Variants in TRDN observed in about 807,000 individuals in gnomAD.
TRDN encodes the protein triadin.
In TRDN, 161 loss-of-function variants were observed where a neutral mutation model predicts 149.7. The observed-to-expected ratio is 1.08, with a 90% confidence interval of 0.95 to 1.23. The LOEUF (loss-of-function observed/expected upper bound fraction) is 1.23. Among genes scored for constraint, TRDN ranks in the 50% most tolerant of loss-of-function variants. TRDN has a pLI of 0.00. For missense variants in TRDN, 896 were observed against 823.5 expected, an observed-to-expected ratio of 1.09 and a Z score of -1.08; for synonymous variants, 294 against 250.5, an observed-to-expected ratio of 1.17 and a Z score of -1.64.
intron 8 of TRDN, among the ~76,000 whole-genome samples, chr6:123,499,459 T>C (rs1451586061): frequency 6.6e-6 from 1 of 151,518 alleles, no homozygotes; most frequent in Non-Finnish European, 1.5e-5. Flanking sequence ...ATCCCAGAAC[T>C]TTCGGAGGCT....
chr6:123,423,578 G>A (rs986742631), intron 12 of TRDN, among the ~76,000 whole-genome samples: 2 of 152,012 alleles, frequency 1.3e-5, no homozygotes, highest in Admixed American at 6.6e-5. Flanking sequence ...GTTTATTTGA[G>A]TAATAAACAT....
intron 23 of TRDN, among the ~76,000 whole-genome samples, chr6:123,317,489 T>G (rs558902026): frequency 6.6e-6 from 1 of 151,934 alleles, no homozygotes; most frequent in East Asian, 1.9e-4. Flanking sequence ...ATAAAGAATG[T>G]CATAGACTTT....
chr6:123,598,856 T>C (rs948046236), intron 1 of TRDN, among the ~76,000 whole-genome samples: 3 of 152,066 alleles, frequency 2.0e-5, no homozygotes, highest in Admixed American at 2.0e-4. Flanking sequence ...TATTACATGT[T>C]TTTTAAATTT....
chr6:123,326,190 A>G (rs1188779337), intron 23 of TRDN, among the ~76,000 whole-genome samples: 1 of 152,110 alleles, frequency 6.6e-6, no homozygotes, highest in Non-Finnish European at 1.5e-5. Context: ...CATGCATGGC[A>G]TGCCAACATC....
chr6:123,525,392 T>C (rs1359454304), intron 5 of TRDN, among the ~76,000 whole-genome samples: 2 of 152,162 alleles, frequency 1.3e-5, no homozygotes, highest in Admixed American at 6.6e-5. Context: ...AATGGAATTA[T>C]GTCCTCTGCA....
At chr6:123,272,414 T>C (rs1327247460) in intron 29 of TRDN, among the ~76,000 whole-genome samples, 4 of 151,888 alleles carry the variant, frequency 2.6e-5, no homozygotes, top group Non-Finnish European at 5.9e-5. Flanking sequence ...CATAACCTTG[T>C]TTTGATAAAT....
chr6:123,455,755 T>C (rs1264689399), intron 10 of TRDN, among the ~76,000 whole-genome samples: 1 of 152,208 alleles, frequency 6.6e-6, no homozygotes, highest in African/African-American at 2.4e-5. Flanking sequence ...TCCTAAAGTG[T>C]CTTGTAGAAA....
chr6:123,424,860 T>A (rs1046235200), intron 12 of TRDN, among the ~76,000 whole-genome samples: 3 of 152,106 alleles, frequency 2.0e-5, no homozygotes, highest in African/African-American at 7.2e-5. Context: ...AGAGCATCCA[T>A]CAACCTGGGT....
intron 26 of TRDN, among the ~76,000 whole-genome samples, chr6:123,276,504 G>A (rs1201793299): frequency 1.3e-5 from 2 of 152,140 alleles, no homozygotes; most frequent in Non-Finnish European, 2.9e-5. Flanking sequence ...CACATAAATT[G>A]AAGAAGATAC....
intron 17 of TRDN, 60 bp from the exon 18 acceptor site, chr6:123,377,802 T>C: frequency 6.2e-7 from 1 of 1,600,872 alleles, no homozygotes; most frequent in Non-Finnish European, 8.6e-7. Flanking sequence ...TGTAATTCAG[T>C]ATTCAATTGC....
chr6:123,221,847 T>C (rs983137637), intron 39 of TRDN, among the ~76,000 whole-genome samples: 13 of 151,806 alleles, frequency 8.6e-5, no homozygotes, highest in Non-Finnish European at 1.5e-4. Flanking sequence ...GAAGGGATCT[T>C]TGATGCTCAG....
At chr6:123,470,983 A>C (rs1359227644) in intron 9 of TRDN, 1 of 152,338 alleles carries the variant, frequency 6.6e-6, no homozygotes, top group South Asian at 2.1e-4. Context: ...TGGAGACTCC[A>C]GTGAGCAGAG....
intron 12 of TRDN, among the ~76,000 whole-genome samples, chr6:123,412,923 T>C (rs576655380): frequency 6.6e-6 from 1 of 152,284 alleles, no homozygotes; most frequent in South Asian, 2.1e-4. Context: ...CTTGACAGCT[T>C]CCAGCAGATT....
chr6:123,275,976 T>C (rs1042026935), intron 26 of TRDN, among the ~76,000 whole-genome samples: 2 of 152,146 alleles, frequency 1.3e-5, no homozygotes, highest in East Asian at 3.9e-4. Flanking sequence ...TTGGAGATAA[T>C]GCCTTGTTAC....
chr6:123,442,760 A>T (rs1270080336), intron 10 of TRDN, among the ~76,000 whole-genome samples: 10 of 152,132 alleles, frequency 6.6e-5, no homozygotes, highest in African/African-American at 2.4e-4. Flanking sequence ...CTCTTTGAGT[A>T]AATGCAACTT....
At chr6:123,453,178 A>G (rs777861994) in intron 10 of TRDN, among the ~76,000 whole-genome samples, 10 of 152,132 alleles carry the variant, frequency 6.6e-5, no homozygotes, top group Non-Finnish European at 1.2e-4. Flanking sequence ...AAACCCTTCT[A>G]GACATTCATT....
intron 12 of TRDN, among the ~76,000 whole-genome samples, chr6:123,409,750 C>A (rs1344550817): frequency 6.6e-6 from 1 of 151,762 alleles, no homozygotes; most frequent in Non-Finnish European, 1.5e-5. Context: ...AACAAATACT[C>A]AGTATTGTAT....
In TRDN at chr6:123,232,435, TG is replaced by T. The variant is rs536854413; in HGVS notation, c.1976-8305del. 6.1e-4 allele frequency among the ~76,000 whole-genome samples: 93 copies of T among 152,028 alleles called. 1 individual carries two copies. Among genetic ancestry groups the T allele is most frequent in the African/African-American group, 2.2e-3 (91 of 41,488 alleles). On this transcript the variant is annotated intron_variant, in intron 38 of 40. Coordinates refer to ENST00000334268, the MANE Select transcript of TRDN (RefSeq NM_006073.4). The stretch of plus-strand genomic sequence containing the variant: ...ATATCCAAGCTGCATGGAATTAAAC[TG>T]AAAGAGTAGAGAGAAATTGCTAGGA...
At chr6:123,596,649 C>G (rs1348338015) in intron 1 of TRDN, among the ~76,000 whole-genome samples, 5 of 152,038 alleles carry the variant, frequency 3.3e-5, no homozygotes, top group African/African-American at 1.2e-4. Context: ...GAATCCAATG[C>G]TCATTTACCA....
Sources: allele counts gnomAD v4.1 joint callset (sites outside exome capture counted in the v4.1 genomes callset), GRCh38; gene constraint gnomAD v4.1.1; transcripts MANE v1.5; gene names NCBI Gene and HGNC (gene_info 2026-07-23, HGNC 2026-07-21).